CRYM: variants seen among roughly 807,000 people sequenced by gnomAD.
The protein encoded by CRYM is crystallin mu.
CRYM carries 18 observed loss-of-function variants against 32.9 expected under a neutral mutation model. The ratio of observed to expected loss-of-function variants is 0.55; its 90% confidence interval spans 0.38 to 0.81. The LOEUF is 0.81. CRYM is among the 30% of genes least tolerant of loss of function. The probability of loss-of-function intolerance (pLI) is 0.00; values close to 1 mark genes in which losing one functional copy is unlikely to be tolerated. For missense variants in CRYM, 337 were observed against 393.5 expected (o/e 0.86, Z 1.21); for synonymous variants, 153 against 152.4 (o/e 1.00, Z -0.03).
chr16:21,284,380 T>C (rs1342190763), intron 1 of CRYM, among the ~76,000 whole-genome samples: 1 of 152,166 alleles, frequency 6.6e-6, no homozygotes, highest in East Asian at 1.9e-4. Flanking sequence ...GTTCCCTGAC[T>C]TTTAGTATAT....
intron 7 of CRYM, among the ~76,000 whole-genome samples, chr16:21,260,305 CTTTA>C (rs5816150): frequency 0.14 from 21,692 of 151,722 alleles, 1,565 homozygotes; most frequent in East Asian, 0.21. Flanking sequence ...TTCCCATGTA[CTTTA>C]TTTATTTATT....
chr16:21,302,815 A>T (rs1960985986), intron 1 of CRYM, among the ~76,000 whole-genome samples: 1 of 152,246 alleles, frequency 6.6e-6, no homozygotes, highest in South Asian at 2.1e-4. Flanking sequence ...TAAAACTAGT[A>T]AGAGGCTATT....
chr16:21,261,447 T>TAA (rs5816151), intron 6 of CRYM, 109 bp from the exon 7 acceptor site: 7,071 of 591,618 alleles, frequency 0.012, 7 homozygotes, highest in African/African-American at 0.023. Flanking sequence ...TAAATTTGAT[T>TAA]AAAAAAAAAA....
rs537181534 is a variant in CRYM, at chr16:21,260,774, G to A, written c.880+480C>T. Among the ~76,000 whole-genome samples the A allele has an allele frequency of 3.9e-5, 6 of 152,340 alleles. No individual in the cohort carries two copies. In the East Asian group the frequency reaches 1.2e-3, roughly 29 times the overall value. ...CCTCCTCAAAGCAGCAAGTGGGAGAGTAGGGAAGGAGGGAATGAACAGGGC... is the reference window on the plus strand; with the variant it reads ...CCTCCTCAAAGCAGCAAGTGGGAGAATAGGGAAGGAGGGAATGAACAGGGC... On this transcript the variant is annotated intron_variant, in intron 7 of 7. Transcript: ENST00000572914.
At chr16:21,278,306 G>T (rs1013570672), upstream of CRYM, 3 of 1,539,878 alleles carry the variant, frequency 1.9e-6, no homozygotes, top group South Asian at 1.2e-5. Context: ...ACGTACCCTC[G>T]GCTGTGCCCT....
Position 21,288,832 on chromosome 16 carries a change from A to AT in CRYM, c.-192-9873dup, listed in dbSNP as rs545265480. Among the ~76,000 whole-genome samples the AT allele has an allele frequency of 3.2e-3, 481 of 152,036 alleles. 5 individuals are homozygous for AT. Among genetic ancestry groups the AT allele is most frequent in the Admixed American group, 4.7e-3 (72 of 15,272 alleles). ...AAAGTATTTTCTAATTTCCCTTATG[A>AT]TTTTTTATCTGACTCATTTGTTGCT... On this transcript the variant is annotated intron_variant, in intron 1 of 9. Transcript: ENST00000219599.
At chr16:21,264,587 T>C (rs764847991) in intron 5 of CRYM, among the ~76,000 whole-genome samples, 2 of 152,216 alleles carry the variant, frequency 1.3e-5, no homozygotes, top group African/African-American at 2.4e-5. Context: ...TTGTTGGTAT[T>C]TCCCTGTTGT....
chr16:21,265,014 A>T (rs966001931), intron 5 of CRYM, among the ~76,000 whole-genome samples: 11 of 152,170 alleles, frequency 7.2e-5, no homozygotes, highest in African/African-American at 2.7e-4. Context: ...CAGTCTCCTG[A>T]ACCACGGGAA....
intron 3 of CRYM, 47 bp from the exon 4 acceptor site, chr16:21,269,938 G>T: frequency 1.4e-6 from 2 of 1,381,814 alleles, no homozygotes; most frequent in South Asian, 1.2e-5. Context: ...GACCCTAGCA[G>T]ACGGGTAAAA....
chr16:21,299,432 C>T (rs1960855418), intron 1 of CRYM, among the ~76,000 whole-genome samples: 1 of 152,120 alleles, frequency 6.6e-6, no homozygotes, highest in African/African-American at 2.4e-5. Flanking sequence ...TCTCAGCCTC[C>T]CGAGTAGCTT....
At chr16:21,295,434 C>A (rs1293431125) in intron 1 of CRYM, among the ~76,000 whole-genome samples, 1 of 151,898 alleles carries the variant, frequency 6.6e-6, no homozygotes, top group Non-Finnish European at 1.5e-5. Context: ...TGATGTTGAG[C>A]TTTTTTTTAT....
chr16:21,261,780 A>G, intron 6 of CRYM: 1 of 501,502 alleles, frequency 2.0e-6, no homozygotes, highest in Non-Finnish European at 3.6e-6. Context: ...CCACTTCTTT[A>G]GAGGACAGCC....
chr16:21,272,642 T>C (rs1339264213), intron 3 of CRYM, among the ~76,000 whole-genome samples: 1 of 137,820 alleles, frequency 7.3e-6, no homozygotes, highest in Non-Finnish European at 1.5e-5. Flanking sequence ...TTCATATTTA[T>C]TGGTGTGAAT....
At chr16:21,300,947 A>G (rs1960904232) in intron 1 of CRYM, 1 of 152,452 alleles carries the variant, frequency 6.6e-6, no homozygotes, top group African/African-American at 2.4e-5. Context: ...GCTGGCGGGT[A>G]AAGGCAGCGG....
intron 1 of CRYM, among the ~76,000 whole-genome samples, chr16:21,293,900 CA>C (rs1215745564): frequency 6.6e-6 from 1 of 152,076 alleles, no homozygotes; most frequent in Non-Finnish European, 1.5e-5. Context: ...AGAAGAATAT[CA>C]AAATACTTCA....
intron 4 of CRYM, 72 bp from the exon 5 acceptor site, chr16:21,267,809 G>A (rs1469133598): frequency 3.3e-6 from 5 of 1,504,408 alleles, no homozygotes; most frequent in Non-Finnish European, 2.8e-6. Flanking sequence ...GCCCAGGGAT[G>A]CGGAGGGAAA....
chr16:21,264,350 G>A (rs944928564), intron 5 of CRYM, among the ~76,000 whole-genome samples: 3 of 152,192 alleles, frequency 2.0e-5, no homozygotes, highest in African/African-American at 7.2e-5. Context: ...TATGAGCCGG[G>A]CGAGTTCTCA....
At chr16:21,288,942 T>A (rs980304253) in intron 1 of CRYM, among the ~76,000 whole-genome samples, 2 of 152,166 alleles carry the variant, frequency 1.3e-5, no homozygotes, top group African/African-American at 4.8e-5. Flanking sequence ...TCCATTGCAG[T>A]CATAATAAGA....
intron 1 of CRYM, among the ~76,000 whole-genome samples, chr16:21,299,122 C>G (rs1169186658): frequency 2.6e-5 from 4 of 151,800 alleles, no homozygotes; most frequent in Non-Finnish European, 5.9e-5. Flanking sequence ...TATGATTATT[C>G]TTATTATGAT....
Sources: allele counts gnomAD v4.1 joint callset (sites outside exome capture counted in the v4.1 genomes callset), GRCh38; gene constraint gnomAD v4.1.1; transcripts MANE v1.5; gene names NCBI Gene and HGNC (gene_info 2026-07-23, HGNC 2026-07-21).